Variants in NIPAL3 observed in about 807,000 individuals in gnomAD.
The protein encoded by NIPAL3 is NIPA like domain containing 3.
NIPAL3 carries 41 observed loss-of-function variants against 47.2 expected under a neutral mutation model. That is an observed-to-expected ratio of 0.87 (90% CI 0.68 to 1.13). The LOEUF is 1.13. Ranked by LOEUF, NIPAL3 falls within the 50% of genes most tolerant of loss-of-function variation. The pLI, the probability that NIPAL3 is intolerant of heterozygous loss-of-function variation, is 0.00. For synonymous variants in NIPAL3, 194 were observed against 209.6 expected (o/e 0.93, Z 0.64); for missense variants, 449 against 530.1 (o/e 0.85, Z 1.50).
Position 24,449,347 on chromosome 1 carries a change from G to A in NIPAL3, c.395-134G>A. Reference sequence around the variant, plus strand: ...AAAATCATTTATTTTTTAAAGTAAAGAAAAACCAAAAATACAAACAATACC... The same window carrying A: ...AAAATCATTTATTTTTTAAAGTAAAAAAAAACCAAAAATACAAACAATACC... On this transcript the variant is annotated intron_variant, in intron 5 of 11. Coordinates refer to ENST00000374399, the MANE Select transcript of NIPAL3 (RefSeq NM_020448.5). This position sits in a 1 kb window ranked among gnomAD's most constrained non-coding sequence, Gnocchi z 4.5. 2.2e-6 allele frequency: 2 copies of A among 909,072 alleles called. No individual in the cohort carries two copies. Among genetic ancestry groups the A allele is most frequent in the East Asian group, 5.5e-5 (2 of 36,176 alleles). The allele number at this position is 909,072 out of a possible 1,614,324, so 56.3% of individuals were successfully genotyped here. A position where few individuals can be genotyped will look rare whatever the true frequency, so the allele number is the denominator to read the frequency against.
chr1:24,437,636 C>A (rs1645184814), intron 2 of NIPAL3, among the ~76,000 whole-genome samples: 1 of 151,854 alleles, frequency 6.6e-6, no homozygotes. Flanking sequence ...TGAGGAGCGA[C>A]AACTAATGAT....
intron 1 of NIPAL3, among the ~76,000 whole-genome samples, chr1:24,418,842 C>T (rs1644179891): frequency 6.6e-6 from 1 of 151,806 alleles, no homozygotes; most frequent in Non-Finnish European, 1.5e-5. Flanking sequence ...TTCTGTTTTC[C>T]ATGGATGTAG....
chr1:24,449,566 G>C lies in NIPAL3; in HGVS notation c.480G>C (p.Glu160Asp). 1 of 1,614,152 alleles carries C rather than the reference G, an allele frequency of 6.2e-7. No homozygotes were observed. Among genetic ancestry groups the C allele is most frequent in the Non-Finnish European group, 8.5e-7 (1 of 1,180,028 alleles). ...LLVTFAPNSH[E>D]KMTGENVTRH... ...TGACATTCGCACCCAACAGTCACGA[G>C]AAGATGACAGGCGAGAATGTCACCA... Residue 160 changes from glutamate (E) to aspartate (D), a missense_variant, in exon 6 of 12, where the codon GAG becomes GAC. Transcript: ENST00000374399. This position sits in a 1 kb window ranked among gnomAD's most constrained non-coding sequence, Gnocchi z 4.5.
At chr1:24,426,333 C>T (rs1457728040) in intron 2 of NIPAL3, among the ~76,000 whole-genome samples, 4 of 151,592 alleles carry the variant, frequency 2.6e-5, no homozygotes, top group African/African-American at 9.7e-5. Context: ...TTCAGTCCGT[C>T]GCCCAGGCTG....
At chr1:24,435,014 A>G (rs905213705) in intron 2 of NIPAL3, among the ~76,000 whole-genome samples, 1 of 152,230 alleles carries the variant, frequency 6.6e-6, no homozygotes, top group Non-Finnish European at 1.5e-5. Flanking sequence ...ACTTACTACA[A>G]AACTATAGTA....
upstream of NIPAL3, chr1:24,415,752 A>G: frequency 3.6e-6 from 3 of 824,652 alleles, no homozygotes; most frequent in Non-Finnish European, 4.4e-6. Context: ...AGTCTGGCAA[A>G]TCAAATCGCG....
chr1:24,414,531 C>CTTTTTTTTT (rs57135976), upstream of NIPAL3: 1 of 83,168 alleles, frequency 1.2e-5, no homozygotes, highest in African/African-American at 5.1e-5. Flanking sequence ...GAAATCCAAG[C>CTTTTTTTTT]TTTTTTTTTT....
intron 3 of NIPAL3, 100 bp downstream of exon 3, chr1:24,440,340 C>A: frequency 1.2e-6 from 1 of 858,436 alleles, no homozygotes; most frequent in South Asian, 2.2e-5. Flanking sequence ...AGGGCCTTGC[C>A]TACTGCATCC....
At chr1:24,442,447 C>G (rs1272238299) in intron 4 of NIPAL3, among the ~76,000 whole-genome samples, 3 of 152,152 alleles carry the variant, frequency 2.0e-5, no homozygotes, top group African/African-American at 7.2e-5. Flanking sequence ...GTTGTTATCC[C>G]CATTTAACAG....
intron 8 of NIPAL3, among the ~76,000 whole-genome samples, chr1:24,457,385 T>C (rs1646263190): frequency 6.6e-6 from 1 of 152,028 alleles, no homozygotes; most frequent in African/African-American, 2.4e-5. Context: ...ATCTTGTAGG[T>C]GACAAAACCT....
chr1:24,414,305 C>A (rs1182820744), upstream of NIPAL3: 1 of 151,632 alleles, frequency 6.6e-6, no homozygotes, highest in South Asian at 2.1e-4. Context: ...CTCGGCCTCC[C>A]AAAGTGTTGG....
intron 10 of NIPAL3, among the ~76,000 whole-genome samples, chr1:24,461,751 C>A (rs1253914193): frequency 4.0e-5 from 6 of 151,652 alleles, no homozygotes; most frequent in Non-Finnish European, 7.4e-5. Context: ...CACCTGTAAT[C>A]CCAGCTACTC....
rs1644017431 is a variant in NIPAL3 at position 24,416,155 on chromosome 1, G to A, written c.-258+251G>A. 1 of 985,536 alleles carries A rather than the reference G, an allele frequency of 1.0e-6. No homozygotes were observed. Among genetic ancestry groups the A allele is most frequent in the South Asian group, 4.7e-5 (1 of 21,294 alleles). 61.0% of individuals were successfully genotyped at this position (985,536 alleles called of 1,614,324 possible). On this transcript the variant is annotated intron_variant, in intron 1 of 11. Coordinates refer to ENST00000374399, the MANE Select transcript of NIPAL3 (RefSeq NM_020448.5). The surrounding 1 kb of genome is among the most constrained non-coding windows in gnomAD (Gnocchi z 4.8). ...CTACCAAACCAGGAAGTGACATGGA[G>A]TTAACTTTGCCAGAATTTCTCCTCT...
chr1:24,455,438 T>C (rs2148839677), intron 7 of NIPAL3, among the ~76,000 whole-genome samples: 1 of 152,370 alleles, frequency 6.6e-6, no homozygotes, highest in Non-Finnish European at 1.5e-5. Flanking sequence ...ATGACTTTAA[T>C]TTGAAAACAG....
chr1:24,440,696 T>C (rs372575011), intron 3 of NIPAL3, among the ~76,000 whole-genome samples: 25 of 152,218 alleles, frequency 1.6e-4, no homozygotes, highest in African/African-American at 5.1e-4. Context: ...TGTAGCAAGT[T>C]GATAGCTAAT....
intron 4 of NIPAL3, 58 bp from the exon 5 acceptor site, chr1:24,445,127 G>A (rs374362215): frequency 4.1e-6 from 5 of 1,219,532 alleles, no homozygotes; most frequent in Middle Eastern, 1.9e-4. Flanking sequence ...ATGGGTGAAG[G>A]GATGCCCTTT....
chr1:24,426,229 G>A (rs940194691), intron 2 of NIPAL3, among the ~76,000 whole-genome samples: 5 of 151,964 alleles, frequency 3.3e-5, no homozygotes, highest in Admixed American at 6.5e-5. Flanking sequence ...GAGTGACCGT[G>A]GTCCCGGTTT....
intron 8 of NIPAL3, chr1:24,457,832 C>T (rs753585815): frequency 2.1e-5 from 11 of 532,848 alleles, no homozygotes; most frequent in South Asian, 5.6e-5. Context: ...GGGAAATGCC[C>T]GGTAAACATG....
At chr1:24,448,950 A>G (rs1442338672) in intron 5 of NIPAL3, among the ~76,000 whole-genome samples, 1 of 152,256 alleles carries the variant, frequency 6.6e-6, no homozygotes, top group Non-Finnish European at 1.5e-5. Context: ...GTATTCACAC[A>G]GTGGACCACT....
Sources: gnomAD v4.1 joint callset for allele counts (sites outside exome capture counted in the v4.1 genomes callset) on GRCh38, gnomAD v4.1.1 for gene constraint, Gnocchi (gnomAD v3.1) non-coding constraint, MANE v1.5 for transcripts, NCBI Gene and HGNC (gene_info 2026-07-23, HGNC 2026-07-21) for gene names.